GRIP1: variants seen among roughly 807,000 people sequenced by gnomAD.
GRIP1 encodes glutamate receptor-interacting protein 1.
GRIP1 carries 45 observed loss-of-function variants against 129.9 expected under a neutral mutation model. The observed-to-expected ratio is 0.35, with a 90% CI of 0.27 to 0.44. The LOEUF (loss-of-function observed/expected upper bound fraction) is 0.44, where lower values mean the gene tolerates loss of function less well. Among genes scored for constraint, GRIP1 ranks in the 20% least tolerant of loss-of-function variants. GRIP1 has a pLI of 1.00. For synonymous variants in GRIP1, 530 were observed against 520.8 expected (o/e 1.02, Z -0.24); for missense variants, 1,196 against 1,396.8 (o/e 0.86, Z 2.29).
At chr12:66,843,327 C>A (rs2137054918) in intron 1 of GRIP1, among the ~76,000 whole-genome samples, 1 of 152,100 alleles carries the variant, frequency 6.6e-6, no homozygotes, top group Admixed American at 6.5e-5. Context: ...ATCTCATATT[C>A]ATGAATTGAA....
chr12:67,015,327 C>T (rs182970743), intron 1 of GRIP1, among the ~76,000 whole-genome samples: 1 of 152,178 alleles, frequency 6.6e-6, no homozygotes. Context: ...GGGGCTCTTT[C>T]ACGCTAAAAT....
intron 4 of GRIP1, among the ~76,000 whole-genome samples, chr12:66,534,585 T>C (rs939488600): frequency 5.9e-5 from 9 of 152,296 alleles, no homozygotes; most frequent in Non-Finnish European, 8.8e-5. Flanking sequence ...GTGTACCTCA[T>C]TGGCCTCATC....
chr12:66,843,867 G>T (rs563947485), intron 1 of GRIP1, among the ~76,000 whole-genome samples: 30 of 152,124 alleles, frequency 2.0e-4, no homozygotes, highest in African/African-American at 7.0e-4. Context: ...AAAACTCAGA[G>T]AAAAAGTTTT....
chr12:66,954,763 T>C (rs1020999038), intron 1 of GRIP1, among the ~76,000 whole-genome samples: 1 of 152,082 alleles, frequency 6.6e-6, no homozygotes, highest in Non-Finnish European at 1.5e-5. Flanking sequence ...TAAGTTACAA[T>C]CTGGCAGAGG....
chr12:66,757,667 T>C (rs1429945232), intron 1 of GRIP1, among the ~76,000 whole-genome samples: 1 of 152,212 alleles, frequency 6.6e-6, no homozygotes, highest in Non-Finnish European at 1.5e-5. Flanking sequence ...TTAAGGGACC[T>C]CCAAATTGTT....
intron 1 of GRIP1, among the ~76,000 whole-genome samples, chr12:67,013,402 T>A (rs949888570): frequency 6.6e-6 from 1 of 152,160 alleles, no homozygotes; most frequent in Non-Finnish European, 1.5e-5. Flanking sequence ...GATTAGAGGA[T>A]GTATTTCTTA....
chr12:66,401,868 T>C (rs1270100594), intron 16 of GRIP1, among the ~76,000 whole-genome samples: 1 of 152,098 alleles, frequency 6.6e-6, no homozygotes, highest in Non-Finnish European at 1.5e-5. Context: ...CTTGAATGGC[T>C]CATTCAGCGC....
At chr12:66,590,030 G>A (rs1020571534) in intron 2 of GRIP1, among the ~76,000 whole-genome samples, 1 of 152,100 alleles carries the variant, frequency 6.6e-6, no homozygotes, top group African/African-American at 2.4e-5. Flanking sequence ...ATAGAGGGAA[G>A]AGACTTTTTC....
Position 66,659,766 on chromosome 12 carries a change from T to C in GRIP1, c.55+19084A>G, listed in dbSNP as rs111645409. 5.0e-3 allele frequency among the ~76,000 whole-genome samples: 762 copies of C among 152,316 alleles called. 8 individuals carry two copies. Among genetic ancestry groups the C allele is most frequent in the African/African-American group, 0.018 (729 of 41,580 alleles). Reference sequence around the variant, plus strand: ...TCTTGAAGGACCCAGTTTTGTAGCATATACTCACTGATGACTCAATAACTA... The same window carrying C: ...TCTTGAAGGACCCAGTTTTGTAGCACATACTCACTGATGACTCAATAACTA... On this transcript the variant is annotated intron_variant, in intron 1 of 24. Coordinates refer to ENST00000359742, the MANE Select transcript of GRIP1 (RefSeq NM_001366722.1).
At chr12:66,724,110 T>C (rs1404851190) in intron 1 of GRIP1, among the ~76,000 whole-genome samples, 1 of 152,178 alleles carries the variant, frequency 6.6e-6, no homozygotes, top group East Asian at 1.9e-4. Flanking sequence ...GCTTGAGTAA[T>C]GAGAGAAGAT....
intron 1 of GRIP1, among the ~76,000 whole-genome samples, chr12:66,767,348 G>A (rs1197939628): frequency 6.6e-6 from 1 of 152,090 alleles, no homozygotes; most frequent in Non-Finnish European, 1.5e-5. Flanking sequence ...CTCAAAAGAA[G>A]CATCTAAGGA....
intron 1 of GRIP1, among the ~76,000 whole-genome samples, chr12:66,940,571 A>T (rs1310997076): frequency 6.6e-6 from 1 of 152,182 alleles, no homozygotes; most frequent in Non-Finnish European, 1.5e-5. Context: ...ATGAAAGAAC[A>T]TGGTTTTCAG....
chr12:66,537,419 T>C (rs1230663359), intron 4 of GRIP1, among the ~76,000 whole-genome samples: 1 of 152,078 alleles, frequency 6.6e-6, no homozygotes, highest in African/African-American at 2.4e-5. Flanking sequence ...AGACATTTGG[T>C]ACAATCAAAA....
chr12:66,771,718 G>A (rs1306266295), intron 1 of GRIP1, among the ~76,000 whole-genome samples: 1 of 152,168 alleles, frequency 6.6e-6, no homozygotes, highest in African/African-American at 2.4e-5. Context: ...AGAGTCTCCT[G>A]CTGTTGGTTT....
At chr12:66,501,063 C>A (rs2060378814) in intron 7 of GRIP1, among the ~76,000 whole-genome samples, 1 of 152,134 alleles carries the variant, frequency 6.6e-6, no homozygotes, top group African/African-American at 2.4e-5. Flanking sequence ...ACAGAAGAGC[C>A]AGGAGACAGG....
At chr12:66,371,610 T>G in intron 23 of GRIP1, 84 bp downstream of exon 23, 1 of 866,818 alleles carries the variant, frequency 1.2e-6, no homozygotes, top group South Asian at 1.3e-5. Context: ...GAGGATACCA[T>G]TGCCATGCTT....
chr12:66,673,380 G>C, intron 1 of GRIP1, among the ~76,000 whole-genome samples: 1 of 152,132 alleles, frequency 6.6e-6, no homozygotes, highest in East Asian at 1.9e-4. Context: ...CGATTAGAAT[G>C]CCTATCCTAC....
intron 7 of GRIP1, among the ~76,000 whole-genome samples, chr12:66,488,710 A>AATAC (rs2060024030): frequency 6.6e-6 from 1 of 151,170 alleles, no homozygotes; most frequent in African/African-American, 2.4e-5. Context: ...AAATTAATAA[A>AATAC]ATAGACCACT....
At chr12:66,455,898 A>G (rs2058945969) in intron 10 of GRIP1, among the ~76,000 whole-genome samples, 1 of 152,244 alleles carries the variant, frequency 6.6e-6, no homozygotes, top group African/African-American at 2.4e-5. Context: ...CATGAATTTC[A>G]TAAGTGATTC....
Sources: allele counts gnomAD v4.1 joint callset (sites outside exome capture counted in the v4.1 genomes callset), GRCh38; gene constraint gnomAD v4.1.1; transcripts MANE v1.5; gene names NCBI Gene and HGNC (gene_info 2026-07-23, HGNC 2026-07-21).